CNIH3: variants seen among roughly 807,000 people sequenced by gnomAD.
The protein encoded by CNIH3 is cornichon family AMPA receptor auxiliary protein 3, also known as protein cornichon homolog 3.
CNIH3 carries 14 observed loss-of-function variants against 24.1 expected under a neutral mutation model. The observed-to-expected ratio is 0.58, with a 90% CI of 0.38 to 0.91. The LOEUF is 0.91. CNIH3 is among the 40% of genes least tolerant of loss of function. The pLI is 0.00. For missense variants in CNIH3, 178 were observed against 196.8 expected, an observed-to-expected ratio of 0.90 and a Z score of 0.57; for synonymous variants, 68 against 73.8, an observed-to-expected ratio of 0.92 and a Z score of 0.40.
chr1:224,544,313 A>T (rs1679621949), intron 2 of CNIH3, among the ~76,000 whole-genome samples: 1 of 152,216 alleles, frequency 6.6e-6, no homozygotes, highest in African/African-American at 2.4e-5. Context: ...AGCAGTCAGC[A>T]GTGATAATTT....
intron 1 of CNIH3, among the ~76,000 whole-genome samples, chr1:224,476,242 CAA>C (rs1018421136): frequency 2.4e-4 from 36 of 152,164 alleles, no homozygotes; most frequent in Non-Finnish European, 4.7e-4. Flanking sequence ...AGCAAACAGA[CAA>C]GAGAAAGAAA....
chr1:224,576,756 A>G (rs1007118679), intron 4 of CNIH3, among the ~76,000 whole-genome samples: 2 of 152,180 alleles, frequency 1.3e-5, no homozygotes, highest in African/African-American at 4.8e-5. Context: ...AAGCAAGCAA[A>G]CAAACAAACC....
chr1:224,658,545 C>A (rs1455252077), intron 1 of CNIH3, among the ~76,000 whole-genome samples: 4 of 151,662 alleles, frequency 2.6e-5, no homozygotes, highest in Non-Finnish European at 5.9e-5. Context: ...CCTGATTTCA[C>A]AAAATAGGGT....
rs148848022 is a variant in CNIH3 at position 224,579,189 on chromosome 1, C to T, written n.517-3975C>T. The stretch of plus-strand genomic sequence containing the variant: ...TGTCATCTTTTTTAATTTCTAAGAA[C>T]GCCATTTTTGAGGTTCCTTTTTGTC... On this transcript the variant is annotated intron_variant and non_coding_transcript_variant, in intron 4 of 5. Coordinates refer to the CNIH3 transcript ENST00000471578. Among the ~76,000 whole-genome samples, 764 of 151,654 alleles carry T rather than the reference C, an allele frequency of 5.0e-3. 6 individuals carry two copies. Among genetic ancestry groups the T allele is most frequent in the African/African-American group, 0.017 (703 of 41,342 alleles).
At chr1:224,605,186 G>A (rs1682368253) in intron 3 of CNIH3, among the ~76,000 whole-genome samples, 1 of 152,234 alleles carries the variant, frequency 6.6e-6, no homozygotes, top group African/African-American at 2.4e-5. Context: ...TCTTAATCCT[G>A]TCTGAGAATT....
chr1:224,630,957 G>T (rs1172173967), intron 1 of CNIH3, among the ~76,000 whole-genome samples: 1 of 152,064 alleles, frequency 6.6e-6, no homozygotes, highest in Admixed American at 6.6e-5. Context: ...TCAAGAGATT[G>T]AGACCAGCCT....
chr1:224,444,900 C>A (rs1358423025), intron 1 of CNIH3, among the ~76,000 whole-genome samples: 2 of 148,934 alleles, frequency 1.3e-5, no homozygotes, highest in African/African-American at 5.0e-5. Context: ...ACCTCGGCCT[C>A]CCAAAGTGCT....
chr1:224,594,211 C>T (rs1361008399), intron 3 of CNIH3, among the ~76,000 whole-genome samples: 1 of 152,206 alleles, frequency 6.6e-6, no homozygotes, highest in Non-Finnish European at 1.5e-5. Context: ...GGACAAGTGA[C>T]CCCTAGAGCC....
intron 1 of CNIH3, among the ~76,000 whole-genome samples, chr1:224,501,123 A>G (rs1358343745): frequency 1.3e-5 from 2 of 151,950 alleles, no homozygotes; most frequent in African/African-American, 4.8e-5. Flanking sequence ...TCTCTAAAGC[A>G]TATCATGTTT....
chr1:224,685,331 A>C (rs758980687), intron 3 of CNIH3, among the ~76,000 whole-genome samples: 2 of 152,244 alleles, frequency 1.3e-5, no homozygotes, highest in South Asian at 2.1e-4. Context: ...GTGTTACTAA[A>C]GGCAGAGTCA....
intron 3 of CNIH3, among the ~76,000 whole-genome samples, chr1:224,687,938 G>A (rs1405066842): frequency 6.6e-6 from 1 of 152,220 alleles, no homozygotes; most frequent in African/African-American, 2.4e-5. Context: ...CTTCATTCTT[G>A]TACTAAGTCC....
intron 1 of CNIH3, among the ~76,000 whole-genome samples, chr1:224,658,744 C>T (rs1386696862): frequency 1.3e-5 from 2 of 150,670 alleles, no homozygotes; most frequent in Non-Finnish European, 3.0e-5. Flanking sequence ...CTGCAGCTAA[C>T]TCAAAAGGTA....
chr1:224,654,741 G>A (rs1178127650), intron 1 of CNIH3, among the ~76,000 whole-genome samples: 2 of 152,162 alleles, frequency 1.3e-5, no homozygotes, highest in African/African-American at 4.8e-5. Context: ...ATAGTCTACA[G>A]GAGCATTACC....
chr1:224,481,697 A>C (rs747982171), intron 1 of CNIH3, among the ~76,000 whole-genome samples: 1 of 152,216 alleles, frequency 6.6e-6, no homozygotes, highest in African/African-American at 2.4e-5. Flanking sequence ...CACTGGGTCA[A>C]ACTTGAAGCC....
At chr1:224,445,927 C>G (rs1435838339) in intron 1 of CNIH3, among the ~76,000 whole-genome samples, 1 of 152,158 alleles carries the variant, frequency 6.6e-6, no homozygotes, top group Non-Finnish European at 1.5e-5. Flanking sequence ...AGTTTTCTGA[C>G]TGGTGTGAGG....
chr1:224,537,301 A>G (rs1180004118), downstream of CNIH3: 1 of 152,196 alleles, frequency 6.6e-6, no homozygotes, highest in Non-Finnish European at 1.5e-5. Context: ...ACCTGAGACA[A>G]ATGCATATCT....
At chr1:224,435,404 T>C (rs1674607411) in intron 1 of CNIH3, among the ~76,000 whole-genome samples, 1 of 152,208 alleles carries the variant, frequency 6.6e-6, no homozygotes, top group South Asian at 2.1e-4. Flanking sequence ...GGTGAGACTC[T>C]GCTCCACCCT....
At chr1:224,676,893 A>G (rs993396849) in intron 1 of CNIH3, among the ~76,000 whole-genome samples, 3 of 151,980 alleles carry the variant, frequency 2.0e-5, no homozygotes, top group East Asian at 1.9e-4. Flanking sequence ...CCTAACCCCT[A>G]CCTCCTCGGG....
chr1:224,578,691 C>A (rs1413119355), intron 4 of CNIH3, among the ~76,000 whole-genome samples: 1 of 152,184 alleles, frequency 6.6e-6, no homozygotes, highest in Non-Finnish European at 1.5e-5. Flanking sequence ...TACAGTTTGA[C>A]TCTACAAAAT....
Sources: allele counts gnomAD v4.1 joint callset (sites outside exome capture counted in the v4.1 genomes callset), GRCh38; gene constraint gnomAD v4.1.1; transcripts MANE v1.5; gene names NCBI Gene and HGNC (gene_info 2026-07-23, HGNC 2026-07-21).